DTX3L: variants seen among roughly 807,000 people sequenced by gnomAD.
DTX3L encodes deltex E3 ubiquitin ligase 3L.
A neutral mutation model predicts 60.9 loss-of-function variants in DTX3L; 34 were observed. The ratio of observed to expected loss-of-function variants is 0.56; its 90% CI spans 0.42 to 0.74. The LOEUF (loss-of-function observed/expected upper bound fraction) is 0.74, where lower values mean the gene tolerates loss of function less well. Among genes scored for constraint, DTX3L ranks in the 30% least tolerant of loss-of-function variants. The pLI is 0.00. For missense variants in DTX3L, 810 were observed against 874.0 expected (o/e 0.93, Z 0.92); for synonymous variants, 290 against 316.6 (o/e 0.92, Z 0.89).
rs2080647632 is a variant in DTX3L at position 122,571,804 on chromosome 3, C to T, written c.*57C>T. On this transcript the variant is annotated 3_prime_UTR_variant, in exon 5 of 5. Coordinates refer to ENST00000296161, the MANE Select transcript of DTX3L (RefSeq NM_138287.3). ...TTTCAAAAAAATATATTTTAGGAGG[C>T]TGATTTAATGCCAGTCTAAATCCTT... The T allele has an allele frequency of 7.0e-7, 1 of 1,429,816 alleles. No homozygotes were observed. Among genetic ancestry groups the T allele is most frequent in the Admixed American group, 2.0e-5 (1 of 50,432 alleles). 88.6% of individuals were successfully genotyped at this position (1,429,816 alleles called of 1,614,324 possible).
chr3:122,564,765 G>C, intron 1 of DTX3L, 152 bp downstream of exon 1: 3 of 985,546 alleles, frequency 3.0e-6, no homozygotes, highest in Non-Finnish European at 4.3e-6. Context: ...ACTGCCAAGA[G>C]ACTCACTGAG....
chr3:122,564,699 G>A (rs1349927504), intron 1 of DTX3L, 86 bp downstream of exon 1: 2 of 1,453,686 alleles, frequency 1.4e-6, no homozygotes, highest in East Asian at 2.5e-5. Context: ...GCTGACCTAG[G>A]GGAGAGGGCG....
At chr3:122,571,581 G>A (rs559643170) in intron 4 of DTX3L, 97 bp from the exon 5 acceptor site, 3 of 928,056 alleles carry the variant, frequency 3.2e-6, no homozygotes, top group Non-Finnish European at 4.9e-6. Context: ...GTGAATGTTT[G>A]CAACACTGGA....
rs2080632333 is a variant in DTX3L at position 122,569,825 on chromosome 3, A to T, written c.1736A>T (p.His579Leu). Residue 579 changes from histidine (H) to leucine (L), a missense_variant, in exon 3 of 5, where the codon CAT (histidine) becomes CTT (leucine). Coordinates refer to ENST00000296161, the MANE Select transcript of DTX3L (RefSeq NM_138287.3). Reference protein sequence around the residue: ...SNKKVLPKCKHEFCAPCINKA... With the variant: ...SNKKVLPKCKLEFCAPCINKA... ...AAAAAAGTGCTACCAAAGTGCAAGC[A>T]TGAATTCTGCGCCCCTTGTATCAAC... The T allele has an allele frequency of 1.9e-6, 3 of 1,614,198 alleles. No homozygotes were observed. The highest frequency in any genetic ancestry group is 1.3e-5 in the African/African-American group (1 of 75,072).
rs974629000 is a variant in DTX3L at position 122,569,404 on chromosome 3, G to A, written c.1315G>A (p.Asp439Asn). Residue 439 changes from aspartate (D) to asparagine (N), a missense_variant, in exon 3 of 5, where the codon GAT (aspartate) becomes AAT (asparagine). Coordinates refer to ENST00000296161, the MANE Select transcript of DTX3L (RefSeq NM_138287.3). ...TGTGCATGCTTATGCAAGTTTCATC[G>A]ATGCCTTTCAACATGCCTCATGTCA... ...LSVHAYASFIDAFQHASCQLM... is the reference protein window; with the variant it reads ...LSVHAYASFINAFQHASCQLM... The A allele has an allele frequency of 1.5e-5, 24 of 1,613,996 alleles. No homozygotes were observed. Among genetic ancestry groups the A allele is most frequent in the South Asian group, 1.1e-4 (10 of 91,088 alleles).
chr3:122,568,356 T>A (rs1217571763), intron 2 of DTX3L, 133 bp from the exon 3 acceptor site: 1 of 415,874 alleles, frequency 2.4e-6, no homozygotes, highest in Non-Finnish European at 4.1e-6. Flanking sequence ...TAAATAGGAT[T>A]TGAAAGAAGT....
In DTX3L at chr3:122,571,672, C is replaced by T. The variant is rs536287956; in HGVS notation, c.2154-6C>T. The T allele has an allele frequency of 3.7e-6, 6 of 1,606,506 alleles. No individual in the cohort carries two copies. The Admixed American group carries it at 5.1e-5, about 14-fold the overall frequency. ...GGTGACACTAAAGGAATTTTTGTTTCTTCAGGTATGGCTATCCTGATCCTT... is the reference window on the plus strand; with the variant it reads ...GGTGACACTAAAGGAATTTTTGTTTTTTCAGGTATGGCTATCCTGATCCTT... On this transcript the variant is annotated splice_region_variant and splice_polypyrimidine_tract_variant and intron_variant, in intron 4 of 4. Transcript: ENST00000296161.
In DTX3L at chr3:122,566,007, G is replaced by T. The variant is rs764423884; in HGVS notation, c.336G>T (p.Pro112=). Residue 112 remains proline, a synonymous_variant, in exon 2 of 5, where the codon CCG becomes CCT. Coordinates refer to ENST00000296161, the MANE Select transcript of DTX3L (RefSeq NM_138287.3). ...SSLTQSQAET[P]SGDMHQHEGH... ...TGACACAATCACAAGCAGAAACACC[G>T]TCTGGTGATATGCATCAACATGAAG... 1 of 1,614,120 alleles carries T rather than the reference G, an allele frequency of 6.2e-7. No individual in the cohort carries two copies. Among genetic ancestry groups the T allele is most frequent in the Non-Finnish European group, 8.5e-7 (1 of 1,180,036 alleles).
chr3:122,564,557 G>A lies in DTX3L; in HGVS notation c.131G>A (p.Ser44Asn), dbSNP rs759291403. Residue 44 changes from serine to asparagine, a missense_variant, in exon 1 of 5, where the codon AGC becomes AAC. Physicochemically the swap from Ser to Asn is conservative, Grantham distance 46. Coordinates refer to ENST00000296161, the MANE Select transcript of DTX3L (RefSeq NM_138287.3). The stretch of plus-strand genomic sequence containing the variant: ...TCGGGCGGCGGGGAGTGCACGGTCA[G>A]CACCCAGGAACACGAAGCCCCGGGC... Reference protein sequence around the residue: ...KSSGGGECTVSTQEHEAPGTF... With the variant: ...KSSGGGECTVNTQEHEAPGTF... 1.2e-6 allele frequency: 2 copies of A among 1,609,580 alleles called. No individual in the cohort carries two copies. The highest frequency in any genetic ancestry group is 3.4e-5 in the Admixed American group (2 of 59,568).
intron 1 of DTX3L, among the ~76,000 whole-genome samples, chr3:122,565,497 G>GAGT (rs1040775180): frequency 8.2e-6 from 1 of 122,132 alleles, no homozygotes; most frequent in African/African-American, 3.1e-5. Context: ...CTGGGTGACA[G>GAGT]AGTGAGACTC....
intron 1 of DTX3L, 69 bp downstream of exon 1, chr3:122,564,682 A>G: frequency 6.5e-7 from 1 of 1,535,656 alleles, no homozygotes; most frequent in Non-Finnish European, 8.8e-7. Context: ...AGGCGGACCC[A>G]GTTCCAGCTG....
At position 122,570,017 on chromosome 3, in the gene DTX3L, T is replaced by C. The variant is rs2080633639; in HGVS notation, c.1928T>C (p.Ile643Thr). The change falls in exon 3 of 5, where the codon ATA (isoleucine) becomes ACA (threonine). Residue 643 changes from isoleucine (I) to threonine (T), a missense_variant. By Grantham distance (89) the Ile-to-Thr change is moderately conservative. Coordinates refer to ENST00000296161, the MANE Select transcript of DTX3L (RefSeq NM_138287.3). Reference sequence around the variant, plus strand: ...ATTACTTATTCTATGAAAGCAGGCATACAAACAGTAAGTATTTCTCAAGTC... The same window carrying C: ...ATTACTTATTCTATGAAAGCAGGCACACAAACAGTAAGTATTTCTCAAGTC... ...IVITYSMKAG[I>T]QTEEHPNPGK... is the part of the protein sequence containing the mutation. 1 of 1,613,754 alleles carries C rather than the reference T, an allele frequency of 6.2e-7. No individual in the cohort carries two copies. Among genetic ancestry groups the C allele is most frequent in the Non-Finnish European group, 8.5e-7 (1 of 1,180,020 alleles).
chr3:122,567,671 G>C (rs2080601018), intron 2 of DTX3L, among the ~76,000 whole-genome samples: 1 of 152,124 alleles, frequency 6.6e-6, no homozygotes, highest in Admixed American at 6.5e-5. Context: ...GTGAAGAAGA[G>C]AAAAAATAGT....
In DTX3L at chr3:122,572,206, C is replaced by G; in HGVS notation, c.*459C>G. 1 of 158,098 alleles carries G rather than the reference C, an allele frequency of 6.3e-6. No individual in the cohort carries two copies. The highest frequency in any genetic ancestry group is 1.8e-4 in the East Asian group (1 of 5,502). The allele number at this position is 158,098 out of a possible 1,614,324, so 9.8% of individuals were successfully genotyped here. On this transcript the variant is annotated 3_prime_UTR_variant, in exon 5 of 5. Coordinates refer to ENST00000296161, the MANE Select transcript of DTX3L (RefSeq NM_138287.3). ...GGGATTATAGGCGTGAGCCACCGCGCCCAGCCCTGGAGTGATACTTTTTAT... is the reference window on the plus strand; with the variant it reads ...GGGATTATAGGCGTGAGCCACCGCGGCCAGCCCTGGAGTGATACTTTTTAT...
Position 122,569,549 on chromosome 3 carries a change from AAG to A in DTX3L, c.1463_1464del (p.Glu488ValfsTer37), listed in dbSNP as rs760095492. ...CCAAATGTACACTTTGTGCTAAATC[AAG>A]AGTCAATGACTTTGACTGGTTTGCC... On this transcript the variant is annotated frameshift_variant, in exon 3 of 5. Coordinates refer to ENST00000296161, the MANE Select transcript of DTX3L (RefSeq NM_138287.3). LOFTEE classifies it high-confidence loss of function. 1.2e-6 allele frequency: 2 copies of A among 1,614,238 alleles called. No individual in the cohort carries two copies. Among genetic ancestry groups the A allele is most frequent in the Non-Finnish European group, 1.7e-6 (2 of 1,180,038 alleles).
rs1413469612 is a variant in DTX3L at position 122,568,506 on chromosome 3, A to G, written c.417A>G (p.Thr139=). 10 of 1,602,900 alleles carry G rather than the reference A, an allele frequency of 6.2e-6. No individual in the cohort carries two copies. Among genetic ancestry groups the G allele is most frequent in the Middle Eastern group, 1.7e-4 (1 of 5,946 alleles). The part of the protein sequence containing the change: ...SCLQKIFLTV[T]ADLNCNLFSK... The stretch of plus-strand genomic sequence containing the variant: ...AATTTCAGATCTTTCTTACTGTAAC[A>G]GCTGACCTGAACTGTAACCTGTTCT... Residue 139 remains threonine, a synonymous_variant, in exon 3 of 5, where the codon ACA becomes ACG. Coordinates refer to ENST00000296161, the MANE Select transcript of DTX3L (RefSeq NM_138287.3).
intron 4 of DTX3L, among the ~76,000 whole-genome samples, chr3:122,570,976 G>A (rs1576460576): frequency 6.6e-6 from 1 of 152,162 alleles, no homozygotes. Flanking sequence ...AAGGCTAGAT[G>A]CTCGGAATGT....
chr3:122,575,188 A>G lies in DTX3L; in HGVS notation c.*3441A>G, dbSNP rs1197782646. On this transcript the variant is annotated 3_prime_UTR_variant, in exon 5 of 5. Coordinates refer to ENST00000296161, the MANE Select transcript of DTX3L (RefSeq NM_138287.3). ...ATCTGTATCTGCTTTAAATAAAGTTAAAGATTTGGAACAAATTGTGTTCTT... is the reference window on the plus strand; with the variant it reads ...ATCTGTATCTGCTTTAAATAAAGTTGAAGATTTGGAACAAATTGTGTTCTT... 1.3e-5 allele frequency: 2 copies of G among 152,190 alleles called. No homozygotes were observed. Among genetic ancestry groups the G allele is most frequent in the Non-Finnish European group, 2.9e-5 (2 of 68,028 alleles). The allele number at this position is 152,190 out of a possible 1,614,324, so 9.4% of individuals were successfully genotyped here. A position where few individuals can be genotyped will look rare whatever the true frequency, so the allele number is the denominator to read the frequency against.
chr3:122,565,793 A>G (rs2080572884), intron 1 of DTX3L, 66 bp from the exon 2 acceptor site: 2 of 1,492,436 alleles, frequency 1.3e-6, no homozygotes, highest in South Asian at 1.2e-5. Flanking sequence ...CAGGAATGAG[A>G]GGATTACTTG....
Sources: gnomAD v4.1 joint callset for allele counts (sites outside exome capture counted in the v4.1 genomes callset) on GRCh38, gnomAD v4.1.1 for gene constraint, MANE v1.5 for transcripts, NCBI Gene and HGNC (gene_info 2026-07-23, HGNC 2026-07-21) for gene names.